The following CCNA1 variants were observed in gnomAD, a reference collection of about 807,000 sequenced individuals.
CCNA1 encodes cyclin A1.
In CCNA1, 23 loss-of-function variants were observed where a neutral mutation model predicts 54.1. The observed-to-expected ratio is 0.42, with a 90% confidence interval of 0.31 to 0.60. The LOEUF is 0.60. Among genes scored for constraint, CCNA1 ranks in the 20% least tolerant of loss-of-function variants. CCNA1 has a pLI of 0.14. For missense variants in CCNA1, 450 were observed against 556.7 expected, an observed-to-expected ratio of 0.81 and a Z score of 1.93; for synonymous variants, 208 against 213.9, an observed-to-expected ratio of 0.97 and a Z score of 0.24.
chr13:36,442,745 A>G lies in CCNA1; in HGVS notation c.*80A>G. 9.0e-7 allele frequency: 1 copy of G among 1,116,918 alleles called. No homozygotes were observed. Among genetic ancestry groups the G allele is most frequent in the East Asian group, 2.4e-5 (1 of 42,510 alleles). 69.2% of individuals were successfully genotyped at this position (1,116,918 alleles called of 1,614,324 possible). Reference sequence around the variant, plus strand: ...ATCGTCATAGGCTTCTGCACGTTGGATCAACTAATGTTGTTTACAATATAG... The same window carrying G: ...ATCGTCATAGGCTTCTGCACGTTGGGTCAACTAATGTTGTTTACAATATAG... On this transcript the variant is annotated 3_prime_UTR_variant, in exon 9 of 9. Transcript: ENST00000255465.
At chr13:36,442,410 G>A in intron 8 of CCNA1, 106 bp downstream of exon 8, 2 of 1,318,146 alleles carry the variant, frequency 1.5e-6, no homozygotes, top group Middle Eastern at 1.9e-4. Flanking sequence ...CTGGTGCCAG[G>A]TTGGAAAAGT....
intron 2 of CCNA1, 54 bp downstream of exon 2, chr13:36,433,275 T>C (rs2055740023): frequency 6.9e-7 from 1 of 1,455,056 alleles, no homozygotes; most frequent in Non-Finnish European, 9.3e-7. Context: ...CTCTCCTGCT[T>C]TGGTGCCAGG....
At chr13:36,437,519 A>C (rs761566550) in intron 2 of CCNA1, 110 bp from the exon 3 acceptor site, 2 of 1,023,624 alleles carry the variant, frequency 2.0e-6, no homozygotes, top group Non-Finnish European at 2.9e-6. Flanking sequence ...TAGATTTTTC[A>C]GTTTAGAATG....
rs1353997250 is a variant in CCNA1 at position 36,442,617 on chromosome 13, C to T, written c.1350C>T (p.Tyr450=). ...CTTGCTTTGGGTCTTGTTTCAGGTACCTGTGTGTGTCCCTCATGGAGCCAC... is the reference window on the plus strand; with the variant it reads ...CTTGCTTTGGGTCTTGTTTCAGGTATCTGTGTGTGTCCCTCATGGAGCCAC... The change falls in exon 9 of 9, where the codon TAC becomes TAT. Residue 450 remains tyrosine, a synonymous_variant. Transcript: ENST00000255465. 1 of 1,613,932 alleles carries T rather than the reference C, an allele frequency of 6.2e-7. No homozygotes were observed. The highest frequency in any genetic ancestry group is 2.2e-5 in the East Asian group (1 of 44,866).
Position 36,432,826 on chromosome 13 carries a change from G to A in CCNA1, c.108+97G>A, listed in dbSNP as rs534054501. On this transcript the variant is annotated intron_variant, in intron 1 of 8. Transcript: ENST00000255465. Reference sequence around the variant, plus strand: ...CTTGGGATAAAAAGCCTCCCTCAGGGATTCAAATAACTGTTTTGATTCAGA... The same window carrying A: ...CTTGGGATAAAAAGCCTCCCTCAGGAATTCAAATAACTGTTTTGATTCAGA... 18 of 999,600 alleles carry A rather than the reference G, an allele frequency of 1.8e-5. No homozygotes were observed. In the South Asian group the frequency reaches 2.3e-4, roughly 13 times the overall value. 61.9% of individuals were successfully genotyped at this position (999,600 alleles called of 1,614,324 possible). A position where few individuals can be genotyped will look rare whatever the true frequency, so the allele number is the denominator to read the frequency against.
intron 6 of CCNA1, among the ~76,000 whole-genome samples, chr13:36,440,414 A>C (rs564103728): frequency 1.3e-5 from 2 of 152,322 alleles, no homozygotes; most frequent in Non-Finnish European, 2.9e-5. Flanking sequence ...CAACTATTTA[A>C]AAATTTAAGC....
rs1315682025 is a variant in CCNA1, at chr13:36,435,958, TC to T, written c.298-1670del. On this transcript the variant is annotated intron_variant, in intron 2 of 8. Transcript: ENST00000255465. ...GTCTTCCTCGATTCTTATTTTTCTC[TC>T]ACCCCACATCTAATCTTATGAGAAA... Among the ~76,000 whole-genome samples, 5 of 152,254 alleles carry T rather than the reference TC, an allele frequency of 3.3e-5. No homozygotes were observed. The East Asian group carries it at 9.6e-4, about 29-fold the overall frequency.
rs148456089 is a variant in CCNA1 at position 36,433,422 on chromosome 13, C to CT, written c.297+204dup. 2.7e-3 allele frequency among the ~76,000 whole-genome samples: 324 copies of CT among 121,978 alleles called. 7 individuals are homozygous for CT. Among genetic ancestry groups the CT allele is most frequent in the African/African-American group, 9.2e-3 (309 of 33,684 alleles). The allele number at this position is 121,978 out of a possible 152,430, so 80.0% of individuals were successfully genotyped here. A position where few individuals can be genotyped will look rare whatever the true frequency, so the allele number is the denominator to read the frequency against. Reference sequence around the variant, plus strand: ...TCTTTCTTTCTTTCTTTCTTTCTTTCTTTCTTTCTTTCTTTCTTTCGTTCT... The same window carrying CT: ...TCTTTCTTTCTTTCTTTCTTTCTTTCTTTTCTTTCTTTCTTTCTTTCGTTCT... On this transcript the variant is annotated intron_variant, in intron 2 of 8. Transcript: ENST00000255465.
In CCNA1 at chr13:36,441,163, T is replaced by C. The variant is rs145699331; in HGVS notation, c.1144T>C (p.Tyr382His). 15 of 1,613,182 alleles carry C rather than the reference T, an allele frequency of 9.3e-6. No individual in the cohort carries two copies. The highest frequency in any genetic ancestry group is 1.2e-5 in the Non-Finnish European group (14 of 1,179,366). ...ACTTGAAGCAGATCCATTCTTGAAATATCTTCCTTCACTGATAGCTGCAGC... is the reference window on the plus strand; with the variant it reads ...ACTTGAAGCAGATCCATTCTTGAAACATCTTCCTTCACTGATAGCTGCAGC... The change falls in exon 7 of 9, where the codon TAT becomes CAT. Residue 382 changes from tyrosine (Y) to histidine (H), a missense_variant. Around this residue, in one of 6 missense-constraint regions of CCNA1, gnomAD observed 22 missense variants for 52.7 expected, o/e 0.42. Transcript: ENST00000255465.
chr13:36,433,692 C>G (rs2055765476), intron 2 of CCNA1, among the ~76,000 whole-genome samples: 2 of 151,706 alleles, frequency 1.3e-5, no homozygotes, highest in African/African-American at 2.4e-5. Context: ...AGGCACCCAC[C>G]ACCACGCCCG....
At chr13:36,432,217 G>A (rs1165158776), upstream of CCNA1, 5 of 173,770 alleles carry the variant, frequency 2.9e-5, no homozygotes, top group Non-Finnish European at 6.0e-5. Flanking sequence ...CGCCTGCCGC[G>A]GTCGGCATGG....
chr13:36,437,715 A>C lies in CCNA1; in HGVS notation c.384A>C (p.Gln128His). 1 of 1,614,028 alleles carries C rather than the reference A, an allele frequency of 6.2e-7. No individual in the cohort carries two copies. The highest frequency in any genetic ancestry group is 8.5e-7 in the Non-Finnish European group (1 of 1,179,884). The change falls in exon 3 of 9, where the codon CAA becomes CAC. Residue 128 changes from glutamine (Q) to histidine (H), a missense_variant. Physicochemically the swap from Gln to His is conservative, Grantham distance 24. Around this residue, in one of 6 missense-constraint regions of CCNA1, gnomAD observed 103 missense variants for 92.9 expected, o/e 1.11. Transcript: ENST00000255465. ...AAGCACTCCCTGACTGTGGGGTCCA[A>C]GAGCCCCCCAAGCAAGGGTTTGACA...
intron 5 of CCNA1, 34 bp downstream of exon 5, chr13:36,438,901 T>A: frequency 6.7e-7 from 1 of 1,482,854 alleles, no homozygotes; most frequent in Non-Finnish European, 9.4e-7. Flanking sequence ...AATATGAAAC[T>A]ATCACTTGTC....
At chr13:36,441,096 T>C in intron 6 of CCNA1, 22 bp from the exon 7 acceptor site, 3 of 1,268,026 alleles carry the variant, frequency 2.4e-6, no homozygotes, top group Non-Finnish European at 3.4e-6. Context: ...AATTCCAATG[T>C]GTTTTCTTCT....
chr13:36,433,433 T>C (rs1185191574), intron 2 of CCNA1, among the ~76,000 whole-genome samples: 1 of 103,082 alleles, frequency 9.7e-6, no homozygotes, highest in Non-Finnish European at 2.3e-5. Flanking sequence ...TTTCTTTCTT[T>C]CTTTCTTTCG....
At chr13:36,436,305 T>C (rs762707625) in intron 2 of CCNA1, among the ~76,000 whole-genome samples, 2 of 152,230 alleles carry the variant, frequency 1.3e-5, no homozygotes, top group Non-Finnish European at 2.9e-5. Flanking sequence ...AAGTGCTTCA[T>C]GATTGGCCTC....
intron 5 of CCNA1, 23 bp from the exon 6 acceptor site, chr13:36,439,956 T>C (rs1417003126): frequency 6.4e-7 from 1 of 1,555,300 alleles, no homozygotes; most frequent in African/African-American, 1.4e-5. Context: ...AAGTTTTACT[T>C]CTGAAAACTC....
chr13:36,434,294 C>T (rs1442824192), intron 2 of CCNA1, among the ~76,000 whole-genome samples: 3 of 152,194 alleles, frequency 2.0e-5, no homozygotes, highest in Non-Finnish European at 4.4e-5. Flanking sequence ...CTATACCTTT[C>T]CTATTTCATA....
chr13:36,432,656 G>C lies in CCNA1; in HGVS notation c.35G>C (p.Gly12Ala). The change falls in exon 1 of 9, where the codon GGA (glycine) becomes GCA (alanine). Residue 12 changes from glycine (G) to alanine (A), a missense_variant. This residue lies in a region of CCNA1 where 103 missense variants were observed against 100.9 expected (regional missense o/e 1.02). Transcript: ENST00000255465. ...GGCTTTCCCGCAATCATGTACCCTG[G>C]ATCTTTTATTGGGGGCTGGGGAGAA... 6.2e-7 allele frequency: 1 copy of C among 1,609,764 alleles called. No homozygotes were observed. Among genetic ancestry groups the C allele is most frequent in the Middle Eastern group, 1.8e-4 (1 of 5,602 alleles).
Sources: gnomAD v4.1 joint callset for allele counts (sites outside exome capture counted in the v4.1 genomes callset) on GRCh38, gnomAD v4.1.1 for gene constraint, gnomAD v4.1.1 regional missense constraint, MANE v1.5 for transcripts, NCBI Gene and HGNC (gene_info 2026-07-23, HGNC 2026-07-21) for gene names.